The following DIAPH2 variants were observed in gnomAD, a reference collection of about 807,000 sequenced individuals.
DIAPH2 encodes diaphanous related formin 2.
Under a neutral mutation model 92.7 loss-of-function variants are expected in DIAPH2, and 35 were observed. The ratio of observed to expected loss-of-function variants is 0.38; its 90% CI spans 0.29 to 0.50. DIAPH2 has a LOEUF of 0.50. Among genes scored for constraint, DIAPH2 ranks in the 20% least tolerant of loss-of-function variants. The pLI is 0.94. For missense variants in DIAPH2, 701 were observed against 819.5 expected (o/e 0.86, Z 1.77); for synonymous variants, 301 against 280.4 (o/e 1.07, Z -0.73).
At chrX:97,121,346 T>C (rs1373934554) in intron 21 of DIAPH2, among the ~76,000 whole-genome samples, 1 of 111,882 alleles carries the variant, frequency 8.9e-6, no homozygotes, top group African/African-American at 3.3e-5. Context: ...TGGGTTACCA[T>C]ATGGCCACCT....
chrX:96,899,544 A>G (rs1340230717), intron 5 of DIAPH2, among the ~76,000 whole-genome samples: 2 of 111,173 alleles, frequency 1.8e-5, no homozygotes, highest in Non-Finnish European at 3.8e-5. Context: ...TTTTTGGTGT[A>G]TAAGAATGCT....
At position 97,355,289 on chromosome X, in the gene DIAPH2, A is replaced by T. The variant is rs1267694971; in HGVS notation, c.3009+7009A>T. Among the ~76,000 whole-genome samples the T allele has an allele frequency of 5.4e-5, 6 of 111,143 alleles. No individual in the cohort carries two copies. The Admixed American group carries it at 5.8e-4, about 11-fold the overall frequency. ...AAAATTTGATTCATTTATTAATGGT[A>T]ATTTACCTTTAAAGAAATGAGGGTG... On this transcript the variant is annotated intron_variant, in intron 24 of 26. Coordinates refer to ENST00000324765, the MANE Select transcript of DIAPH2 (RefSeq NM_006729.5).
chrX:97,016,198 T>G (rs1207110112), intron 17 of DIAPH2, among the ~76,000 whole-genome samples: 1 of 112,225 alleles, frequency 8.9e-6, no homozygotes, highest in Admixed American at 9.5e-5. Flanking sequence ...ATTTAATGTT[T>G]TCATGAAATG....
intron 22 of DIAPH2, among the ~76,000 whole-genome samples, chrX:97,169,123 C>T (rs750138356): frequency 2.5e-5 from 1 of 40,327 alleles, no homozygotes; most frequent in African/African-American, 5.1e-5. Flanking sequence ...AGAATAATAA[C>T]GTCAGTGAGA....
At chrX:97,203,103 A>G (rs1385528785) in intron 22 of DIAPH2, among the ~76,000 whole-genome samples, 1 of 111,953 alleles carries the variant, frequency 8.9e-6, no homozygotes. Context: ...GCAGAAATCA[A>G]GAAGTTCTTT....
chrX:97,028,320 G>C (rs1156423303), intron 17 of DIAPH2, among the ~76,000 whole-genome samples: 1 of 110,886 alleles, frequency 9.0e-6, no homozygotes, highest in African/African-American at 3.3e-5. Context: ...ATTGCCTCTA[G>C]TTCCTACCTT....
chrX:97,346,652 A>G (rs867171186), intron 23 of DIAPH2, among the ~76,000 whole-genome samples: 12 of 111,759 alleles, frequency 1.1e-4, no homozygotes, highest in Admixed American at 2.9e-4. Context: ...TTTTATGATT[A>G]GGTTTGATGA....
At chrX:97,568,820 G>A (rs1485319687) in intron 26 of DIAPH2, among the ~76,000 whole-genome samples, 1 of 111,950 alleles carries the variant, frequency 8.9e-6, no homozygotes. Flanking sequence ...AGCTAGATGA[G>A]GAGATAATTG....
intron 22 of DIAPH2, among the ~76,000 whole-genome samples, chrX:97,205,759 A>G (rs774713764): frequency 1.2e-3 from 129 of 111,587 alleles, no homozygotes; most frequent in Non-Finnish European, 3.6e-4. Flanking sequence ...TTCCTCAAGG[A>G]TCCAGAACCA....
chrX:97,179,136 G>A (rs1316464859), intron 22 of DIAPH2, among the ~76,000 whole-genome samples: 1 of 110,450 alleles, frequency 9.1e-6, no homozygotes, highest in Non-Finnish European at 1.9e-5. Flanking sequence ...CATATAACTT[G>A]TAAATCGGTG....
At chrX:97,297,844 A>C (rs776056190) in intron 23 of DIAPH2, among the ~76,000 whole-genome samples, 7 of 110,327 alleles carry the variant, frequency 6.3e-5, no homozygotes, top group African/African-American at 2.3e-4. Context: ...TCTTTTCTGA[A>C]TTTCATGACT....
intron 3 of DIAPH2, among the ~76,000 whole-genome samples, chrX:96,752,717 A>G (rs2064201381): frequency 1.8e-5 from 2 of 111,942 alleles, no homozygotes; most frequent in South Asian, 7.4e-4. Context: ...ACAGCGCATC[A>G]TGAGCAAAAT....
At chrX:96,872,015 T>C (rs2065146614) in intron 4 of DIAPH2, among the ~76,000 whole-genome samples, 1 of 112,318 alleles carries the variant, frequency 8.9e-6, no homozygotes, top group Non-Finnish European at 1.9e-5. Context: ...TATGATTTCA[T>C]GTAAATGACA....
chrX:97,529,061 A>T (rs1481969076), intron 26 of DIAPH2: 2 of 110,314 alleles, frequency 1.8e-5, no homozygotes, highest in African/African-American at 6.6e-5. Context: ...GTGAAAGAGC[A>T]AGACACTGTA....
chrX:96,869,595 A>ACTAC (rs1569416391), intron 4 of DIAPH2, among the ~76,000 whole-genome samples: 21 of 78,069 alleles, frequency 2.7e-4, no homozygotes, highest in Middle Eastern at 7.5e-3. Context: ...ACTACTACTA[A>ACTAC]TACTAGTCTC....
chrX:96,714,267 T>TG (rs1569372563), intron 1 of DIAPH2, among the ~76,000 whole-genome samples: 6 of 101,309 alleles, frequency 5.9e-5, no homozygotes, highest in African/African-American at 2.2e-4. Context: ...GTGTGTGTGT[T>TG]TTTTTTTTTT....
intron 23 of DIAPH2, among the ~76,000 whole-genome samples, chrX:97,249,300 G>A (rs1295454121): frequency 8.1e-5 from 9 of 111,334 alleles, no homozygotes; most frequent in Non-Finnish European, 7.5e-5. Flanking sequence ...ACTTGGCCTG[G>A]ACTCCTTATT....
intron 22 of DIAPH2, among the ~76,000 whole-genome samples, chrX:97,158,814 T>C (rs2067344302): frequency 8.9e-6 from 1 of 112,081 alleles, no homozygotes; most frequent in South Asian, 3.7e-4. Flanking sequence ...CACAGGGATA[T>C]TGAAAATGCA....
Position 97,600,067 on chromosome X carries a change from A to G in DIAPH2, c.*750A>G, listed in dbSNP as rs928434291. On this transcript the variant is annotated 3_prime_UTR_variant, in exon 27 of 27. Transcript: ENST00000324765. ...TTAAAGAGGTATTTTCTAATTATGC[A>G]CAGATATCTACTTTATACAAATACT... 1.9e-4 allele frequency: 22 copies of G among 112,833 alleles called. No individual in the cohort carries two copies. The highest frequency in any genetic ancestry group is 9.4e-4 in the Admixed American group (10 of 10,601). 9.3% of individuals were successfully genotyped at this position (112,833 alleles called of 1,213,427 possible).
Sources: gnomAD v4.1 joint callset for allele counts (sites outside exome capture counted in the v4.1 genomes callset) on GRCh38, gnomAD v4.1.1 for gene constraint, MANE v1.5 for transcripts, NCBI Gene and HGNC (gene_info 2026-07-23, HGNC 2026-07-21) for gene names.